The following MTR variants were observed in gnomAD, a reference collection of about 807,000 sequenced individuals.
The protein encoded by MTR is 5-methyltetrahydrofolate-homocysteine methyltransferase.
In MTR, 84 loss-of-function variants were observed where a neutral mutation model predicts 154.8. The observed-to-expected ratio is 0.54, with a 90% confidence interval of 0.45 to 0.65. MTR has a LOEUF of 0.65. MTR is among the 30% of genes least tolerant of loss of function. The pLI is 0.00. For synonymous variants in MTR, 554 were observed against 553.9 expected (o/e 1.00, Z 0.00); for missense variants, 1,275 against 1,570.2 (o/e 0.81, Z 3.18).
chr1:236,799,968 C>T (rs1476393617), intron 1 of MTR: 2 of 817,430 alleles, frequency 2.4e-6, no homozygotes, highest in Non-Finnish European at 3.0e-6. Context: ...GCTCAACAAA[C>T]AAGATGCCAG....
At chr1:236,800,290 T>C in intron 1 of MTR, 1 of 985,422 alleles carries the variant, frequency 1.0e-6, no homozygotes, top group Non-Finnish European at 1.2e-6. Context: ...ATTGCCTTTT[T>C]CTCCCTAGGA....
In MTR at chr1:236,824,159, C is replaced by G. The variant is rs747235861; in HGVS notation, c.805C>G (p.Pro269Ala). 1.2e-6 allele frequency: 2 copies of G among 1,613,920 alleles called. No homozygotes were observed. The highest frequency in any genetic ancestry group is 1.1e-5 in the South Asian group (1 of 91,074). Residue 269 changes from proline to alanine, a missense_variant, in exon 9 of 33, where the codon CCT (proline) becomes GCT (alanine). By Grantham distance (27) the Pro-to-Ala change is conservative. Transcript: ENST00000366577. ...NCALGAAEMR[P>A]FIEIIGKCTT... ...TGCTTTGGGTGCAGCTGAAATGAGA[C>G]CTTTTATTGAAATAATTGGAAAATG...
At chr1:236,821,227 A>C (rs917995044) in intron 8 of MTR, among the ~76,000 whole-genome samples, 1 of 152,222 alleles carries the variant, frequency 6.6e-6, no homozygotes, top group Non-Finnish European at 1.5e-5. Flanking sequence ...GCATGTGTGA[A>C]AGAGAGGGGA....
At chr1:236,846,321 A>AGGATT (rs1221809672) in intron 15 of MTR, among the ~76,000 whole-genome samples, 1 of 152,244 alleles carries the variant, frequency 6.6e-6, no homozygotes, top group East Asian at 1.9e-4. Flanking sequence ...TAGGTTCACA[A>AGGATT]AAATGACTTT....
rs377725604 is a variant in MTR, at chr1:236,902,734, CCCTAGCACCCTCTCTA to C, written c.*5092_*5107del. ...TCAGAAAGAAAGCGCTGTATCAAAGCCCTAGCACCCTCTCTACACCCACCTTCAGTATTTCATATTA... is the reference window on the plus strand; with the variant it reads ...TCAGAAAGAAAGCGCTGTATCAAAGCCACCCACCTTCAGTATTTCATATTA... On this transcript the variant is annotated 3_prime_UTR_variant, in exon 33 of 33. Transcript: ENST00000366577. The C allele has an allele frequency of 5.5e-3, 837 of 152,178 alleles. 9 individuals are homozygous for C. The highest frequency in any genetic ancestry group is 0.019 in the African/African-American group (785 of 41,502). 9.4% of individuals were successfully genotyped at this position (152,178 alleles called of 1,614,324 possible).
chr1:236,817,610 GGTT>G (rs1443461335), intron 8 of MTR, among the ~76,000 whole-genome samples: 20 of 152,280 alleles, frequency 1.3e-4, no homozygotes, highest in Non-Finnish European at 7.4e-5. Flanking sequence ...GAGACTCAGA[GGTT>G]GTAACTCGCC....
rs181645091 is a variant in MTR at position 236,844,145 on chromosome 1, G to A, written c.1515+5546G>A. The stretch of plus-strand genomic sequence containing the variant: ...AGCCTGTATGGTAGGAGGGGAGTCA[G>A]AAGAGAGAGTTCCCTTGGAAGCCAA... On this transcript the variant is annotated intron_variant, in intron 15 of 32. Coordinates refer to ENST00000366577, the MANE Select transcript of MTR (RefSeq NM_000254.3). 1.0e-3 allele frequency among the ~76,000 whole-genome samples: 159 copies of A among 152,258 alleles called. 1 individual carries two copies. The highest frequency in any genetic ancestry group is 3.7e-3 in the African/African-American group (153 of 41,544).
intron 8 of MTR, among the ~76,000 whole-genome samples, chr1:236,818,991 G>C (rs1474485030): frequency 6.6e-6 from 1 of 152,182 alleles, no homozygotes; most frequent in Non-Finnish European, 1.5e-5. Context: ...GCTAGGTTTT[G>C]AAAATGGGAG....
intron 10 of MTR, among the ~76,000 whole-genome samples, chr1:236,826,075 C>G (rs576818101): frequency 1.3e-5 from 2 of 152,142 alleles, no homozygotes; most frequent in South Asian, 4.2e-4. Flanking sequence ...TCATGCTGTC[C>G]CATATGTAGC....
intron 1 of MTR, among the ~76,000 whole-genome samples, chr1:236,797,824 A>G (rs1244822933): frequency 6.6e-6 from 1 of 151,832 alleles, no homozygotes; most frequent in African/African-American, 2.4e-5. Context: ...CTGGGTTTAT[A>G]GTGAGCGCCT....
intron 15 of MTR, among the ~76,000 whole-genome samples, chr1:236,846,595 T>C (rs942447708): frequency 7.2e-5 from 11 of 152,210 alleles, no homozygotes; most frequent in African/African-American, 2.4e-4. Flanking sequence ...ATCTTGCCAG[T>C]GTTTAGATTT....
At chr1:236,853,622 C>A (rs753736655) in intron 18 of MTR, among the ~76,000 whole-genome samples, 1 of 152,048 alleles carries the variant, frequency 6.6e-6, no homozygotes, top group Non-Finnish European at 1.5e-5. Flanking sequence ...TTCCATTTTA[C>A]TTGATATTTT....
chr1:236,812,453 G>T (rs1028840502), intron 5 of MTR, among the ~76,000 whole-genome samples: 1 of 152,212 alleles, frequency 6.6e-6, no homozygotes, highest in Non-Finnish European at 1.5e-5. Context: ...TGAATGGGGG[G>T]TACATGTTCA....
intron 14 of MTR, 80 bp from the exon 15 acceptor site, chr1:236,838,334 G>C: frequency 7.3e-7 from 1 of 1,379,254 alleles, no homozygotes. Flanking sequence ...AGAAGAAATA[G>C]GGAATACTTT....
rs1660805778 is a variant in MTR, at chr1:236,803,513, G to C, written c.120G>C (p.Met40Ile). Residue 40 changes from methionine (M) to isoleucine (I), a missense_variant, in exon 2 of 33, where the codon ATG becomes ATC. By Grantham distance (10) the Met-to-Ile change is conservative. Coordinates refer to ENST00000366577, the MANE Select transcript of MTR (RefSeq NM_000254.3). ...TGCTGGATGGAGGGATGGGGACCAT[G>C]ATCCAGCGGGAGAAGCTAAACGAAG... Reference protein sequence around the residue: ...IMVLDGGMGTMIQREKLNEEH... With the variant: ...IMVLDGGMGTIIQREKLNEEH... 2 of 1,614,082 alleles carry C rather than the reference G, an allele frequency of 1.2e-6. No homozygotes were observed. Among genetic ancestry groups the C allele is most frequent in the Non-Finnish European group, 8.5e-7 (1 of 1,180,036 alleles).
At chr1:236,845,953 C>G (rs936936799) in intron 15 of MTR, among the ~76,000 whole-genome samples, 2 of 152,176 alleles carry the variant, frequency 1.3e-5, no homozygotes, top group African/African-American at 4.8e-5. Flanking sequence ...AAACAACTCC[C>G]TCAAATGGGA....
At chr1:236,893,340 A>G (rs12093482) in intron 29 of MTR, among the ~76,000 whole-genome samples, 7,236 of 152,232 alleles carry the variant, frequency 0.048, 523 homozygotes, top group East Asian at 0.21. Flanking sequence ...ACGGCGGGCA[A>G]CGAGCTGTGA....
At chr1:236,897,310 G>GCGTGCGCGCGCACACACACACA in intron 32 of MTR, among the ~76,000 whole-genome samples, 192 bp downstream of exon 32, 8 of 128,682 alleles carry the variant, frequency 6.2e-5, no homozygotes, top group Admixed American at 3.0e-4. Context: ...CCACACACAC[G>GCGTGCGCGCGCACACACACACA]CACACACACA....
At chr1:236,809,444 G>A (rs1324324581) in intron 4 of MTR, among the ~76,000 whole-genome samples, 1 of 152,190 alleles carries the variant, frequency 6.6e-6, no homozygotes, top group Non-Finnish European at 1.5e-5. Context: ...ACTTGGAAAC[G>A]TGAAGTTATT....
Sources: gnomAD v4.1 joint callset for allele counts (sites outside exome capture counted in the v4.1 genomes callset) on GRCh38, gnomAD v4.1.1 for gene constraint, MANE v1.5 for transcripts, NCBI Gene and HGNC (gene_info 2026-07-23, HGNC 2026-07-21) for gene names.